The following MACROD2 variants were observed in gnomAD, a reference collection of about 807,000 sequenced individuals.
MACROD2 encodes mono-ADP ribosylhydrolase 2, also known as ADP-ribose glycohydrolase MACROD2.
Under a neutral mutation model 70.4 loss-of-function variants are expected in MACROD2, and 36 were observed. That is an observed-to-expected ratio of 0.51 (90% CI 0.39 to 0.68). The LOEUF (loss-of-function observed/expected upper bound fraction) is 0.68. MACROD2 is among the 30% of genes least tolerant of loss of function. The pLI is 0.00. For synonymous variants in MACROD2, 172 were observed against 178.8 expected, an observed-to-expected ratio of 0.96 and a Z score of 0.30; for missense variants, 496 against 538.4, an observed-to-expected ratio of 0.92 and a Z score of 0.78.
At chr20:14,497,816 C>T (rs1024781931) in intron 4 of MACROD2, among the ~76,000 whole-genome samples, 17 of 151,802 alleles carry the variant, frequency 1.1e-4, no homozygotes, top group Middle Eastern at 3.4e-3. Flanking sequence ...ATACCTTATT[C>T]CTGAGTTGAT....
intron 3 of MACROD2, among the ~76,000 whole-genome samples, chr20:14,144,893 A>G (rs1405179348): frequency 6.6e-6 from 1 of 152,176 alleles, no homozygotes; most frequent in African/African-American, 2.4e-5. Context: ...TTGCTTCTGT[A>G]GATTTCTCTC....
chr20:14,782,287 C>T (rs1327601489), intron 5 of MACROD2, among the ~76,000 whole-genome samples: 2 of 151,960 alleles, frequency 1.3e-5, no homozygotes, highest in Non-Finnish European at 2.9e-5. Flanking sequence ...AACAACTGAA[C>T]AATTATATTA....
At chr20:14,127,657 A>G (rs773093608) in intron 3 of MACROD2, 4 of 408,474 alleles carry the variant, frequency 9.8e-6, no homozygotes. Context: ...AGCAAATACC[A>G]TTTCCATCTG....
chr20:15,978,368 G>T (rs573097117), intron 13 of MACROD2, among the ~76,000 whole-genome samples: 1 of 152,298 alleles, frequency 6.6e-6, no homozygotes, highest in South Asian at 2.1e-4. Flanking sequence ...CATGGGGGAG[G>T]TCATGAGAAA....
chr20:15,767,035 C>G (rs12480767), intron 8 of MACROD2, among the ~76,000 whole-genome samples: 4,733 of 152,328 alleles, frequency 0.031, 355 homozygotes, highest in East Asian at 0.3. Context: ...AAGGAAGGAG[C>G]TCTCACTTCT....
chr20:15,874,959 G>A (rs1000491965), intron 9 of MACROD2, among the ~76,000 whole-genome samples: 23 of 152,114 alleles, frequency 1.5e-4, no homozygotes, highest in African/African-American at 5.6e-4. Flanking sequence ...AGCAGAAGAG[G>A]GAAGGCAGAA....
chr20:15,332,947 C>G (rs1214304446), intron 6 of MACROD2, among the ~76,000 whole-genome samples: 1 of 85,746 alleles, frequency 1.2e-5, no homozygotes, highest in Admixed American at 1.2e-4. Flanking sequence ...CAGCTTCTCC[C>G]TCTTGGCACC....
At chr20:14,273,692 T>C (rs2082220933) in intron 3 of MACROD2, among the ~76,000 whole-genome samples, 2 of 151,690 alleles carry the variant, frequency 1.3e-5, no homozygotes, top group African/African-American at 2.4e-5. Context: ...TTCAAAAAAT[T>C]AATGAATTCA....
intron 3 of MACROD2, among the ~76,000 whole-genome samples, chr20:14,411,200 T>G (rs141963464): frequency 2.3e-4 from 35 of 152,308 alleles, no homozygotes; most frequent in African/African-American, 8.4e-4. Context: ...AAACTTGATA[T>G]GAGCCAAGAT....
chr20:15,104,955 CT>C (rs2075900023), intron 5 of MACROD2, among the ~76,000 whole-genome samples: 1 of 152,058 alleles, frequency 6.6e-6, no homozygotes, highest in African/African-American at 2.4e-5. Flanking sequence ...CTATACTATT[CT>C]TTTCCTTCTT....
chr20:15,840,047 A>C (rs1340128174), intron 8 of MACROD2, among the ~76,000 whole-genome samples: 1 of 152,156 alleles, frequency 6.6e-6, no homozygotes, highest in Non-Finnish European at 1.5e-5. Context: ...TGATAAATGA[A>C]TATTACCTAT....
At chr20:15,832,766 C>CT (rs1273825159) in intron 8 of MACROD2, among the ~76,000 whole-genome samples, 2 of 152,202 alleles carry the variant, frequency 1.3e-5, no homozygotes, top group Admixed American at 6.5e-5. Flanking sequence ...AGTCAAATCT[C>CT]TGAGAGTGCA....
chr20:15,071,427 T>G (rs1273708458), intron 5 of MACROD2, among the ~76,000 whole-genome samples: 1 of 152,210 alleles, frequency 6.6e-6, no homozygotes, highest in Non-Finnish European at 1.5e-5. Context: ...GATTCATGCC[T>G]TCCTTCCCTA....
intron 3 of MACROD2, among the ~76,000 whole-genome samples, chr20:14,349,413 C>G (rs1408349485): frequency 6.6e-6 from 1 of 150,516 alleles, no homozygotes; most frequent in Admixed American, 6.6e-5. Context: ...AGTTAATACT[C>G]TTTTAGTTAT....
At chr20:14,954,681 A>G (rs1451888358) in intron 5 of MACROD2, among the ~76,000 whole-genome samples, 1 of 122,716 alleles carries the variant, frequency 8.1e-6, no homozygotes, top group Non-Finnish European at 1.6e-5. Context: ...TAATATATTT[A>G]TATTTATATA....
chr20:14,659,054 C>T (rs1335558152), intron 4 of MACROD2, among the ~76,000 whole-genome samples: 1 of 152,150 alleles, frequency 6.6e-6, no homozygotes, highest in African/African-American at 2.4e-5. Context: ...GGATGGATCT[C>T]CCAAATTTGC....
At chr20:15,441,421 A>G (rs1213050520) in intron 7 of MACROD2, among the ~76,000 whole-genome samples, 1 of 152,162 alleles carries the variant, frequency 6.6e-6, no homozygotes, top group Admixed American at 6.6e-5. Context: ...GGACCTGACA[A>G]AAGAGATGAA....
intron 4 of MACROD2, among the ~76,000 whole-genome samples, chr20:14,521,158 A>T (rs113135869): frequency 1.3e-5 from 2 of 152,188 alleles, no homozygotes; most frequent in African/African-American, 4.8e-5. Flanking sequence ...TCTCTTCCAT[A>T]TGCTTTCTAA....
In MACROD2 at chr20:14,903,394, A is replaced by G. The variant is rs183678994; in HGVS notation, c.418+218435A>G. ...AGACAGGAACAGACAACAGATGATC[A>G]TATCAAAGACCAAAAACAACCTAAC... On this transcript the variant is annotated intron_variant, in intron 5 of 17. Coordinates refer to ENST00000684519, the MANE Select transcript of MACROD2 (RefSeq NM_001351661.2). 1.5e-3 allele frequency among the ~76,000 whole-genome samples: 226 copies of G among 152,270 alleles called. 3 individuals are homozygous for G. The highest frequency in any genetic ancestry group is 5.1e-3 in the African/African-American group (210 of 41,578).
Sources: gnomAD v4.1 joint callset for allele counts (sites outside exome capture counted in the v4.1 genomes callset) on GRCh38, gnomAD v4.1.1 for gene constraint, MANE v1.5 for transcripts, NCBI Gene and HGNC (gene_info 2026-07-23, HGNC 2026-07-21) for gene names.